Variants in DHX57 observed in about 807,000 individuals in gnomAD.
DHX57 encodes the protein putative ATP-dependent RNA helicase DHX57.
A neutral mutation model predicts 156.2 loss-of-function variants in DHX57; 105 were observed. The ratio of observed to expected loss-of-function variants is 0.67; its 90% confidence interval spans 0.57 to 0.79. The LOEUF is 0.79. DHX57 is among the 30% of genes least tolerant of loss of function. The probability of loss-of-function intolerance (pLI) is 0.00; values close to 1 mark genes in which losing one functional copy is unlikely to be tolerated. For missense variants in DHX57, 1,847 were observed against 1,661.9 expected (o/e 1.11, Z -1.94); for synonymous variants, 704 against 595.6 (o/e 1.18, Z -2.65).
At chr2:38,857,610 C>T (rs1208339421) in intron 6 of DHX57, among the ~76,000 whole-genome samples, 1 of 152,160 alleles carries the variant, frequency 6.6e-6, no homozygotes, top group African/African-American at 2.4e-5. Flanking sequence ...ACTCACAGAA[C>T]TTTAGAACTG....
At chr2:38,860,173 T>C (rs964191376) in intron 5 of DHX57, among the ~76,000 whole-genome samples, 1 of 151,296 alleles carries the variant, frequency 6.6e-6, no homozygotes, top group South Asian at 2.1e-4. Flanking sequence ...TAGCAGCCCA[T>C]GTGCGATGGC....
rs1026801519 is a variant in DHX57, at chr2:38,864,010, TA to T, written c.225-492del. Among the ~76,000 whole-genome samples the T allele has an allele frequency of 9.5e-3, 1,374 of 143,894 alleles. 6 individuals are homozygous for T. The highest frequency in any genetic ancestry group is 0.018 in the African/African-American group (709 of 39,044). The allele number at this position is 143,894 out of a possible 152,430, so 94.4% of individuals were successfully genotyped here. A position where few individuals can be genotyped will look rare whatever the true frequency, so the allele number is the denominator to read the frequency against. ...CTGGGCAACAGAGCGAGATTCCGTT[TA>T]AAAAAAAAAAAAACAACAAAACTTA... is the stretch of plus-strand genomic sequence containing the variant. On this transcript the variant is annotated intron_variant, in intron 2 of 23. Coordinates refer to ENST00000457308, the MANE Select transcript of DHX57 (RefSeq NM_198963.3).
chr2:38,823,582 G>A (rs756576038), intron 16 of DHX57, among the ~76,000 whole-genome samples: 11 of 152,124 alleles, frequency 7.2e-5, no homozygotes, highest in South Asian at 2.1e-4. Context: ...AACCCTGCAC[G>A]TTGTTGGTGG....
At chr2:38,850,142 C>G (rs1050204248) in intron 9 of DHX57, among the ~76,000 whole-genome samples, 1 of 152,064 alleles carries the variant, frequency 6.6e-6, no homozygotes, top group Admixed American at 6.6e-5. Flanking sequence ...AAAAAAAGGT[C>G]AGAAAACAAA....
chr2:38,815,470 G>C (rs1417507341), intron 20 of DHX57, 51 bp downstream of exon 20: 2 of 1,609,524 alleles, frequency 1.2e-6, no homozygotes, highest in African/African-American at 2.7e-5. Flanking sequence ...GGTTAAGATT[G>C]TATTTAGGTG....
chr2:38,821,011 T>G (rs1357011583), intron 17 of DHX57, among the ~76,000 whole-genome samples: 1 of 151,910 alleles, frequency 6.6e-6, no homozygotes, highest in African/African-American at 2.4e-5. Flanking sequence ...TTAAAGAGGA[T>G]TGAAATAATA....
At chr2:38,799,634 C>CTGAGGCAGG (rs1669572832) in intron 23 of DHX57, among the ~76,000 whole-genome samples, 1 of 150,234 alleles carries the variant, frequency 6.7e-6, no homozygotes. Flanking sequence ...CCTGTAATCC[C>CTGAGGCAGG]AGCTACTCGG....
chr2:38,798,057 A>G lies in DHX57; in HGVS notation c.*242T>C. ...CTCCAGAACAATCACAGAGACAAAG[A>G]CAGGCAAGCTGGGTTTTAGGCTCTC... On this transcript the variant is annotated 3_prime_UTR_variant, in exon 24 of 24. Coordinates refer to ENST00000457308, the MANE Select transcript of DHX57 (RefSeq NM_198963.3). The G allele has an allele frequency of 2.5e-6, 1 of 404,510 alleles. No individual in the cohort carries two copies. The allele number at this position is 404,510 out of a possible 1,614,324, so 25.1% of individuals were successfully genotyped here. A position where few individuals can be genotyped will look rare whatever the true frequency, so the allele number is the denominator to read the frequency against.
At chr2:38,799,459 G>C (rs974343013) in intron 23 of DHX57, among the ~76,000 whole-genome samples, 2 of 142,276 alleles carry the variant, frequency 1.4e-5, no homozygotes, top group Non-Finnish European at 3.1e-5. Flanking sequence ...AAAAAAAAAG[G>C]GTGGTAGATA....
chr2:38,816,285 G>C, intron 19 of DHX57: 2 of 457,026 alleles, frequency 4.4e-6, no homozygotes, highest in Non-Finnish European at 8.9e-6. Context: ...CGCAATCTTG[G>C]CTTTCTGCAA....
chr2:38,827,485 CAAA>C (rs1196817843), intron 14 of DHX57, among the ~76,000 whole-genome samples: 4 of 8,512 alleles, frequency 4.7e-4, no homozygotes, highest in African/African-American at 7.7e-4. Context: ...GACTCTGTCT[CAAA>C]AAAAAAAAAA....
chr2:38,801,576 A>C (rs952573316), intron 23 of DHX57, among the ~76,000 whole-genome samples: 2 of 143,542 alleles, frequency 1.4e-5, no homozygotes, highest in African/African-American at 5.1e-5. Context: ...CGCCCAGCTA[A>C]TTTTTTTTTT....
intron 9 of DHX57, chr2:38,852,951 T>G (rs1292901955): frequency 1.3e-5 from 2 of 154,878 alleles, no homozygotes; most frequent in African/African-American, 4.8e-5. Context: ...GGCTTCCTTG[T>G]TTCTGGACTC....
chr2:38,857,348 T>C lies in DHX57; in HGVS notation c.1588-887A>G, dbSNP rs190787333. ...ACTACAACTATATAAATCAATTTCA[T>C]ATTTAATGGCCAATGCTATAAAAAT... On this transcript the variant is annotated intron_variant, in intron 6 of 23. Transcript: ENST00000457308. Among the ~76,000 whole-genome samples the C allele has an allele frequency of 1.0e-3, 157 of 152,338 alleles. 1 individual carries two copies. Among genetic ancestry groups the C allele is most frequent in the African/African-American group, 3.4e-3 (141 of 41,578 alleles).
At chr2:38,828,284 T>C (rs1471754430) in intron 14 of DHX57, 56 bp downstream of exon 14, 4 of 1,351,252 alleles carry the variant, frequency 3.0e-6, no homozygotes, top group Non-Finnish European at 1.0e-6. Context: ...AGGGTGATGA[T>C]ATCTTTAGAG....
intron 13 of DHX57, among the ~76,000 whole-genome samples, chr2:38,829,344 T>C (rs1408391487): frequency 2.0e-5 from 3 of 151,486 alleles, no homozygotes; most frequent in East Asian, 1.9e-4. Context: ...TGCAATGATG[T>C]GATCTCAGCT....
rs1479788947 is a variant in DHX57 at position 38,854,185 on chromosome 2, C to T, written c.1906-7G>A. On this transcript the variant is annotated splice_polypyrimidine_tract_variant and splice_region_variant and intron_variant, in intron 8 of 23. Transcript: ENST00000457308. ...ACAGTCTGGTGGCTGAGGACTTACACATGAAAGGGCAATATAAATCATTAA... is the reference window on the plus strand; with the variant it reads ...ACAGTCTGGTGGCTGAGGACTTACATATGAAAGGGCAATATAAATCATTAA... The T allele has an allele frequency of 1.2e-6, 2 of 1,611,848 alleles. No individual in the cohort carries two copies. Among genetic ancestry groups the T allele is most frequent in the Non-Finnish European group, 1.7e-6 (2 of 1,179,152 alleles).
At chr2:38,868,499 T>C in intron 1 of DHX57, 88 bp from the exon 2 acceptor site, 2 of 1,318,036 alleles carry the variant, frequency 1.5e-6, no homozygotes, top group Non-Finnish European at 2.1e-6. Flanking sequence ...TATAGGCTAC[T>C]TTAAAGAAAC....
chr2:38,798,364 G>C lies in DHX57; in HGVS notation c.4096C>G (p.Leu1366Val), dbSNP rs1558345787. ...QDKIKNPSID[L>V]CTCPRGSRII... ...CGGGATCCTCGAGGACACGTACACA[G>C]ATCAATGCTTGGGTTTTTAATTTTA... is the stretch of plus-strand genomic sequence containing the variant. Residue 1366 changes from leucine (L) to valine (V), a missense_variant, in exon 24 of 24, where the codon CTG becomes GTG. Coordinates refer to ENST00000457308, the MANE Select transcript of DHX57 (RefSeq NM_198963.3). 4 of 1,614,098 alleles carry C rather than the reference G, an allele frequency of 2.5e-6. No individual in the cohort carries two copies. The highest frequency in any genetic ancestry group is 3.4e-6 in the Non-Finnish European group (4 of 1,180,012).
Sources: gnomAD v4.1 joint callset for allele counts (sites outside exome capture counted in the v4.1 genomes callset) on GRCh38, gnomAD v4.1.1 for gene constraint, MANE v1.5 for transcripts, NCBI Gene and HGNC (gene_info 2026-07-23, HGNC 2026-07-21) for gene names.